Variants in ERICH6B observed in about 807,000 individuals in gnomAD.
ERICH6B encodes the protein glutamate rich 6B.
A neutral mutation model predicts 80.0 loss-of-function variants in ERICH6B; 69 were observed. The ratio of observed to expected loss-of-function variants is 0.86; its 90% CI spans 0.71 to 1.05. The LOEUF (loss-of-function observed/expected upper bound fraction) is 1.05, where lower values mean the gene tolerates loss of function less well. ERICH6B is among the 50% of genes least tolerant of loss of function. The probability of loss-of-function intolerance (pLI) is 0.00; values close to 1 mark genes in which losing one functional copy is unlikely to be tolerated. For missense variants in ERICH6B, 754 were observed against 796.1 expected, an observed-to-expected ratio of 0.95 and a Z score of 0.64; for synonymous variants, 283 against 291.9, an observed-to-expected ratio of 0.97 and a Z score of 0.31.
Position 45,596,974 on chromosome 13 carries a change from G to A in ERICH6B, c.32C>T (p.Ala11Val). 6.4e-7 allele frequency: 1 copy of A among 1,550,840 alleles called. No individual in the cohort carries two copies. Residue 11 changes from alanine to valine, a missense_variant, in exon 3 of 15, where the codon GCA becomes GTA. Ala to Val is a moderately conservative substitution (Grantham distance 64). Coordinates refer to ENST00000298738, the MANE Select transcript of ERICH6B (RefSeq NM_182542.3). MSAENNQLSG[A>V]SPPHPPTTPQ... ...AGTTGTGGGAGGGTGAGGAGGTGAT[G>A]CTCCTGATAACTGATTATTTTCAGC...
chr13:45,551,078 A>G (rs1419696362), intron 11 of ERICH6B, among the ~76,000 whole-genome samples: 2 of 152,218 alleles, frequency 1.3e-5, no homozygotes, highest in Non-Finnish European at 2.9e-5. Flanking sequence ...CATTTTAGGT[A>G]AACATTCAAA....
intron 9 of ERICH6B, 134 bp from the exon 10 acceptor site, chr13:45,563,922 C>G (rs371971843): frequency 5.8e-6 from 4 of 694,024 alleles, no homozygotes; most frequent in Non-Finnish European, 9.9e-6. Context: ...GCTTTGCTTT[C>G]TAGGCCAGCT....
At chr13:45,615,274 G>C (rs959363581) in intron 1 of ERICH6B, among the ~76,000 whole-genome samples, 3 of 152,148 alleles carry the variant, frequency 2.0e-5, no homozygotes, top group African/African-American at 4.8e-5. Flanking sequence ...TGGAGTTTTC[G>C]ATCTGGGGAA....
intron 11 of ERICH6B, among the ~76,000 whole-genome samples, chr13:45,556,152 G>A (rs1279816502): frequency 2.0e-5 from 3 of 151,656 alleles, no homozygotes; most frequent in African/African-American, 7.3e-5. Flanking sequence ...CCTAAAAATA[G>A]CCAACATAGC....
intron 10 of ERICH6B, 149 bp from the exon 11 acceptor site, chr13:45,561,675 G>T: frequency 2.5e-6 from 2 of 813,438 alleles, no homozygotes; most frequent in African/African-American, 1.7e-5. Flanking sequence ...GTCGGGTAGT[G>T]GGAAGATTAA....
intron 11 of ERICH6B, among the ~76,000 whole-genome samples, chr13:45,560,061 T>G (rs111955155): frequency 0.087 from 13,310 of 152,258 alleles, 682 homozygotes; most frequent in African/African-American, 0.13. Flanking sequence ...AGCTCCAATG[T>G]TAGGTGCATA....
chr13:45,598,554 G>A (rs1292681666), intron 2 of ERICH6B, among the ~76,000 whole-genome samples: 2 of 152,220 alleles, frequency 1.3e-5, no homozygotes, highest in Middle Eastern at 3.4e-3. Flanking sequence ...GAGACCACCA[G>A]GATGAATTTT....
intron 8 of ERICH6B, among the ~76,000 whole-genome samples, chr13:45,569,373 G>C (rs1168671820): frequency 6.6e-6 from 1 of 152,208 alleles, no homozygotes; most frequent in African/African-American, 2.4e-5. Flanking sequence ...TGATCTGCCT[G>C]CATCAGGCTC....
At position 45,550,205 on chromosome 13, in the gene ERICH6B, G is replaced by A. The variant is rs921147599; in HGVS notation, c.1493+26C>T. ...TTTAGGTGCCAATATATGTCAATAC[G>A]AGCATCCCTGTGCTTCTGTGGATAC... On this transcript the variant is annotated intron_variant, in intron 12 of 14. Transcript: ENST00000298738. 5 of 1,544,458 alleles carry A rather than the reference G, an allele frequency of 3.2e-6. No individual in the cohort carries two copies. In the East Asian group the frequency reaches 9.8e-5, roughly 30 times the overall value.
intron 1 of ERICH6B, among the ~76,000 whole-genome samples, chr13:45,612,476 T>A (rs547383726): frequency 6.6e-6 from 1 of 152,098 alleles, no homozygotes; most frequent in African/African-American, 2.4e-5. Context: ...TAAGGGGAGA[T>A]GATGGGGAGC....
At position 45,561,590 on chromosome 13, in the gene ERICH6B, A is replaced by G. The variant is rs190381226; in HGVS notation, c.1250-64T>C. 5.2e-6 allele frequency: 8 copies of G among 1,523,978 alleles called. No homozygotes were observed. In the East Asian group the frequency reaches 1.5e-4, roughly 28 times the overall value. 94.4% of individuals were successfully genotyped at this position (1,523,978 alleles called of 1,614,324 possible). ...GGTGGGAAAGAGAAAGGAAACTTAG[A>G]TCTGTCTCTCTCAAGGTGCCAAAGG... On this transcript the variant is annotated intron_variant, in intron 10 of 14. Coordinates refer to ENST00000298738, the MANE Select transcript of ERICH6B (RefSeq NM_182542.3).
chr13:45,609,015 T>C (rs1464437675), intron 1 of ERICH6B, among the ~76,000 whole-genome samples: 1 of 152,218 alleles, frequency 6.6e-6, no homozygotes, highest in African/African-American at 2.4e-5. Flanking sequence ...CCACAAAATG[T>C]CCTGAATCCG....
intron 8 of ERICH6B, among the ~76,000 whole-genome samples, chr13:45,574,547 G>A (rs1875300671): frequency 6.6e-6 from 1 of 152,112 alleles, no homozygotes; most frequent in Non-Finnish European, 1.5e-5. Context: ...AAACACCACT[G>A]CTATTTGCTG....
At chr13:45,545,656 G>A (rs1873964090) in intron 13 of ERICH6B, among the ~76,000 whole-genome samples, 1 of 152,152 alleles carries the variant, frequency 6.6e-6, no homozygotes, top group African/African-American at 2.4e-5. Context: ...CATGTGACTT[G>A]CCTGAGGCTA....
chr13:45,576,154 G>A (rs1256882961), intron 7 of ERICH6B, among the ~76,000 whole-genome samples: 1 of 152,182 alleles, frequency 6.6e-6, no homozygotes, highest in Non-Finnish European at 1.5e-5. Context: ...ACTCCTTTGG[G>A]CTCCTCCTGG....
chr13:45,562,139 T>C (rs1593780506), intron 10 of ERICH6B, among the ~76,000 whole-genome samples: 2 of 152,220 alleles, frequency 1.3e-5, no homozygotes, highest in Admixed American at 1.3e-4. Context: ...CCTGGCTCAC[T>C]GCAACCTCTG....
chr13:45,550,794 T>C, intron 11 of ERICH6B, among the ~76,000 whole-genome samples: 1 of 152,172 alleles, frequency 6.6e-6, no homozygotes, highest in East Asian at 1.9e-4. Flanking sequence ...TCTCTACCTC[T>C]ATCTTCATGT....
intron 5 of ERICH6B, among the ~76,000 whole-genome samples, chr13:45,581,329 ATG>A: frequency 6.6e-6 from 1 of 152,334 alleles, no homozygotes; most frequent in Non-Finnish European, 1.5e-5. Context: ...ATGTGTGTAC[ATG>A]TGTGTGTACA....
chr13:45,610,781 T>A (rs1949895054), intron 1 of ERICH6B, among the ~76,000 whole-genome samples: 1 of 152,118 alleles, frequency 6.6e-6, no homozygotes, highest in Non-Finnish European at 1.5e-5. Context: ...TATAATCTTA[T>A]GGGACTACTG....
Sources: gnomAD v4.1 joint callset for allele counts (sites outside exome capture counted in the v4.1 genomes callset) on GRCh38, gnomAD v4.1.1 for gene constraint, MANE v1.5 for transcripts, NCBI Gene and HGNC (gene_info 2026-07-23, HGNC 2026-07-21) for gene names.